Variants in CCDC6 observed in about 807,000 individuals in gnomAD.
CCDC6 encodes coiled-coil domain containing 6.
Under a neutral mutation model 56.6 loss-of-function variants are expected in CCDC6, and 20 were observed. That is an observed-to-expected ratio of 0.35 (90% CI 0.25 to 0.51). The LOEUF is 0.51. Ranked by LOEUF, CCDC6 falls within the 20% of genes least tolerant of loss-of-function variation. The pLI is 0.95. For synonymous variants in CCDC6, 241 were observed against 234.4 expected (o/e 1.03, Z -0.26); for missense variants, 367 against 601.1 (o/e 0.61, Z 4.07).
At chr10:59,824,670 A>G (rs1355491631) in intron 3 of CCDC6, among the ~76,000 whole-genome samples, 1 of 150,862 alleles carries the variant, frequency 6.6e-6, no homozygotes, top group Non-Finnish European at 1.5e-5. Flanking sequence ...AAAAGAGAGG[A>G]AGAGAAAAGA....
Position 59,863,668 on chromosome 10 carries a change from G to A in CCDC6, c.304-10966C>T, listed in dbSNP as rs576821488. Among the ~76,000 whole-genome samples, 284 of 152,064 alleles carry A rather than the reference G, an allele frequency of 1.9e-3. 1 individual carries two copies. The highest frequency in any genetic ancestry group is 6.3e-3 in the African/African-American group (262 of 41,488). Reference sequence around the variant, plus strand: ...TACATTTTACACGTGTAAATTTTATGGTATATAAAATTCTATCTCAATAAA... The same window carrying A: ...TACATTTTACACGTGTAAATTTTATAGTATATAAAATTCTATCTCAATAAA... On this transcript the variant is annotated intron_variant, in intron 1 of 8. Transcript: ENST00000263102.
At chr10:59,869,058 C>T (rs2071202631) in intron 1 of CCDC6, among the ~76,000 whole-genome samples, 1 of 152,024 alleles carries the variant, frequency 6.6e-6, no homozygotes. Context: ...TCCTGACACA[C>T]CCTATATCTA....
chr10:59,839,801 C>T (rs1395233433), intron 2 of CCDC6, among the ~76,000 whole-genome samples: 9 of 152,116 alleles, frequency 5.9e-5, no homozygotes, highest in East Asian at 3.9e-4. Flanking sequence ...ATCCTCTCGA[C>T]GGATGACAGG....
In CCDC6 at chr10:59,812,647, C is replaced by T; in HGVS notation, c.835G>A (p.Ala279Thr). Reference sequence around the variant, plus strand: ...AGAGGCTACGTACGCTGTAACTGAGCAGCTCTCAGTTGCTTCTTCAGCCGT... The same window carrying T: ...AGAGGCTACGTACGCTGTAACTGAGTAGCTCTCAGTTGCTTCTTCAGCCGT... The part of the protein sequence containing the change: ...VERLKKQLRA[A>T]QLQHSEKMAQ... The change falls in exon 5 of 9, where the codon GCT (alanine) becomes ACT (threonine). Residue 279 changes from alanine (A) to threonine (T), a missense_variant. By Grantham distance (58) the Ala-to-Thr change is moderately conservative. Transcript: ENST00000263102. 6.2e-7 allele frequency: 1 copy of T among 1,610,268 alleles called. No homozygotes were observed. Among genetic ancestry groups the T allele is most frequent in the Non-Finnish European group, 8.5e-7 (1 of 1,176,994 alleles).
intron 2 of CCDC6, among the ~76,000 whole-genome samples, chr10:59,837,723 G>A (rs1206352562): frequency 8.3e-6 from 1 of 120,494 alleles, no homozygotes; most frequent in Admixed American, 1.0e-4. Context: ...TCTAGCCTGG[G>A]CAACAAGAGT....
At position 59,794,505 on chromosome 10, in the gene CCDC6, C is replaced by G; in HGVS notation, c.1198G>C (p.Val400Leu). ...CCATGGGATGTTCCCATGTGCTGCA[C>G]GTGAAGACCCGGGGAATTGTAATAA... ...MSYYNSPGLH[V>L]QHMGTSHGIT... The change falls in exon 8 of 9, where the codon GTG becomes CTG. Residue 400 changes from valine to leucine, a missense_variant. By Grantham distance (32) the Val-to-Leu change is conservative. This residue lies in a region of CCDC6 where 79 missense variants were observed against 83.9 expected (regional missense o/e 0.94). Transcript: ENST00000263102. 3.7e-6 allele frequency: 6 copies of G among 1,614,114 alleles called. No homozygotes were observed. Among genetic ancestry groups the G allele is most frequent in the Non-Finnish European group, 5.1e-6 (6 of 1,179,984 alleles).
At chr10:59,826,167 C>T (rs1466950019) in intron 3 of CCDC6, among the ~76,000 whole-genome samples, 2 of 152,148 alleles carry the variant, frequency 1.3e-5, no homozygotes, top group African/African-American at 4.8e-5. Context: ...AAAGACAAGC[C>T]TAAACCCTCA....
At chr10:59,861,409 T>C (rs2071127136) in intron 1 of CCDC6, among the ~76,000 whole-genome samples, 1 of 135,182 alleles carries the variant, frequency 7.4e-6, no homozygotes, top group Non-Finnish European at 1.5e-5. Flanking sequence ...ACACACAATG[T>C]CTGGCATTCA....
intron 1 of CCDC6, among the ~76,000 whole-genome samples, chr10:59,883,242 C>T (rs148527958): frequency 4.6e-5 from 7 of 151,888 alleles, no homozygotes; most frequent in African/African-American, 1.2e-4. Context: ...CTGTCAGTTA[C>T]GAAAAGGACT....
intron 1 of CCDC6, among the ~76,000 whole-genome samples, chr10:59,874,514 G>C (rs2071261383): frequency 6.6e-6 from 1 of 152,156 alleles, no homozygotes; most frequent in Admixed American, 6.5e-5. Context: ...TATTCTGCCA[G>C]TGAAGGCAGA....
chr10:59,837,845 C>A (rs1041618306), intron 2 of CCDC6, among the ~76,000 whole-genome samples: 3 of 151,262 alleles, frequency 2.0e-5, no homozygotes, highest in African/African-American at 7.3e-5. Flanking sequence ...CACAGTACCA[C>A]AACTAACATC....
chr10:59,841,675 GTT>G (rs1554884674), intron 2 of CCDC6, among the ~76,000 whole-genome samples: 3 of 138,690 alleles, frequency 2.2e-5, no homozygotes, highest in Admixed American at 7.2e-5. Flanking sequence ...TTTTTTGTTT[GTT>G]TTTTTTTTTT....
At chr10:59,808,618 A>G (rs2070646618) in intron 5 of CCDC6, among the ~76,000 whole-genome samples, 1 of 152,222 alleles carries the variant, frequency 6.6e-6, no homozygotes, top group Non-Finnish European at 1.5e-5. Context: ...AGTGGCCATG[A>G]GCACGTCTAA....
At chr10:59,872,758 C>T (rs2071240556) in intron 1 of CCDC6, among the ~76,000 whole-genome samples, 1 of 130,190 alleles carries the variant, frequency 7.7e-6, no homozygotes, top group South Asian at 2.5e-4. Flanking sequence ...TGCATCCAGT[C>T]AAAGAGGATA....
intron 7 of CCDC6, 77 bp from the exon 8 acceptor site, chr10:59,794,674 T>G: frequency 7.8e-7 from 1 of 1,275,590 alleles, no homozygotes; most frequent in Admixed American, 1.8e-5. Flanking sequence ...AGGTTTTAAA[T>G]CGCAGTAGTT....
rs773935603 is a variant in CCDC6, at chr10:59,906,444, A to AAGG, written c.-23_-21dup. 2.7e-6 allele frequency: 4 copies of AAGG among 1,492,846 alleles called. No homozygotes were observed. Among genetic ancestry groups the AAGG allele is most frequent in the Non-Finnish European group, 3.5e-6 (4 of 1,137,546 alleles). The allele number at this position is 1,492,846 out of a possible 1,614,324, so 92.5% of individuals were successfully genotyped here. A position where few individuals can be genotyped will look rare whatever the true frequency, so the allele number is the denominator to read the frequency against. On this transcript the variant is annotated 5_prime_UTR_variant, in exon 1 of 9. Transcript: ENST00000263102. ...CGCCATGGCCGCGGCGGGCTGGGGA[A>AAGG]AGGAGGAGGAGCAGCAGGGAGGCGG...
chr10:59,906,510 G>A lies in CCDC6; in HGVS notation c.-86C>T, dbSNP rs373374408. On this transcript the variant is annotated 5_prime_UTR_variant, in exon 1 of 9. Coordinates refer to ENST00000263102, the MANE Select transcript of CCDC6 (RefSeq NM_005436.5). ...GGCTGCGAATGAGTGGGCGCCGGGCGAGCACAGGGGAGCGCCGAGCTGAGC... is the reference window on the plus strand; with the variant it reads ...GGCTGCGAATGAGTGGGCGCCGGGCAAGCACAGGGGAGCGCCGAGCTGAGC... 3.3e-5 allele frequency: 39 copies of A among 1,178,402 alleles called. No individual in the cohort carries two copies. The African/African-American group carries it at 6.2e-4, about 19-fold the overall frequency. 73.0% of individuals were successfully genotyped at this position (1,178,402 alleles called of 1,614,324 possible).
intron 1 of CCDC6, among the ~76,000 whole-genome samples, chr10:59,878,010 C>T (rs533181488): frequency 1.8e-4 from 27 of 152,240 alleles, no homozygotes; most frequent in African/African-American, 5.8e-4. Flanking sequence ...CAACTAAGTT[C>T]GGGTATCTAT....
chr10:59,804,390 T>C, intron 7 of CCDC6, 30 bp downstream of exon 7: 2 of 1,312,156 alleles, frequency 1.5e-6, no homozygotes, highest in Non-Finnish European at 2.2e-6. Context: ...CAGGAATCAG[T>C]CACTGAAATA....
Sources: gnomAD v4.1 joint callset for allele counts (sites outside exome capture counted in the v4.1 genomes callset) on GRCh38, gnomAD v4.1.1 for gene constraint, gnomAD v4.1.1 regional missense constraint, MANE v1.5 for transcripts, NCBI Gene and HGNC (gene_info 2026-07-23, HGNC 2026-07-21) for gene names.